SEC24D: variants seen among roughly 807,000 people sequenced by gnomAD.
SEC24D encodes the protein SEC24 homolog D, COPII component.
A neutral mutation model predicts 116.9 loss-of-function variants in SEC24D; 69 were observed. That is an observed-to-expected ratio of 0.59 (90% CI 0.49 to 0.72). The LOEUF (loss-of-function observed/expected upper bound fraction) is 0.72. Among genes scored for constraint, SEC24D ranks in the 30% least tolerant of loss-of-function variants. SEC24D has a pLI of 0.00. For missense variants in SEC24D, 1,131 were observed against 1,264.1 expected (o/e 0.89, Z 1.60); for synonymous variants, 405 against 442.8 (o/e 0.91, Z 1.07).
chr4:118,741,785 A>G lies in SEC24D; in HGVS notation c.1996-748T>C, dbSNP rs188799646. Among the ~76,000 whole-genome samples, 1,079 of 152,340 alleles carry G rather than the reference A, an allele frequency of 7.1e-3. 8 individuals carry two copies. The highest frequency in any genetic ancestry group is 0.011 in the Admixed American group (175 of 15,302). ...GGAGATCATAGACACAATCTTTACA[A>G]TAATCCCTTTAGTTGCTTACATACA... On this transcript the variant is annotated intron_variant, in intron 15 of 22. Coordinates refer to ENST00000280551, the MANE Select transcript of SEC24D (RefSeq NM_014822.4).
chr4:118,791,994 G>C (rs1463930015), intron 8 of SEC24D, among the ~76,000 whole-genome samples: 1 of 151,302 alleles, frequency 6.6e-6, no homozygotes, highest in African/African-American at 2.4e-5. Flanking sequence ...CATTGTCTGG[G>C]AAGTGAGAAG....
chr4:118,809,116 G>A (rs1017302720), intron 6 of SEC24D, among the ~76,000 whole-genome samples: 70 of 152,118 alleles, frequency 4.6e-4, no homozygotes, highest in African/African-American at 1.7e-3. Flanking sequence ...TGGGACTACA[G>A]GCATGCACTA....
Position 118,723,441 on chromosome 4 carries a change from T to A in SEC24D, c.*74A>T, listed in dbSNP as rs1029179283. ...GCAAGAAATCAAAACTAGCCTATTA[T>A]CATCTAGAAAATTAGGCACCAAGAA... is the stretch of plus-strand genomic sequence containing the variant. On this transcript the variant is annotated 3_prime_UTR_variant, in exon 23 of 23. Coordinates refer to ENST00000280551, the MANE Select transcript of SEC24D (RefSeq NM_014822.4). 4 of 1,445,830 alleles carry A rather than the reference T, an allele frequency of 2.8e-6. No homozygotes were observed. The African/African-American group carries it at 5.7e-5, about 21-fold the overall frequency. The allele number at this position is 1,445,830 out of a possible 1,614,324, so 89.6% of individuals were successfully genotyped here. A position where few individuals can be genotyped will look rare whatever the true frequency, so the allele number is the denominator to read the frequency against.
intron 8 of SEC24D, among the ~76,000 whole-genome samples, chr4:118,776,238 T>C (rs1371054530): frequency 5.3e-5 from 8 of 152,166 alleles, no homozygotes; most frequent in Admixed American, 5.2e-4. Context: ...TGAACCCTAA[T>C]GTGCTTTTAT....
intron 10 of SEC24D, among the ~76,000 whole-genome samples, chr4:118,763,804 G>A (rs6853722): frequency 0.29 from 44,096 of 152,038 alleles, 7,154 homozygotes; most frequent in Non-Finnish European, 0.37. Context: ...TAAAGATGAC[G>A]AGGATATCAG....
In SEC24D at chr4:118,797,698, G is replaced by C. The variant is rs373545153; in HGVS notation, c.1026C>G (p.Thr342=). 12 of 1,603,648 alleles carry C rather than the reference G, an allele frequency of 7.5e-6. No individual in the cohort carries two copies. In the African/African-American group the frequency reaches 1.6e-4, roughly 21 times the overall value. ...TCATTCTTACCTCATTTGAAGGAAT[G>C]GTGGCAAAGGGCTTGATGACAGCAG... ...PLAAVIKPFA[T]IPSNESPLYL... The change falls in exon 8 of 23, where the codon ACC becomes ACG. Residue 342 remains threonine (T), a synonymous_variant. Transcript: ENST00000280551.
intron 8 of SEC24D, among the ~76,000 whole-genome samples, chr4:118,795,284 C>G (rs1729128963): frequency 6.6e-6 from 1 of 151,354 alleles, no homozygotes; most frequent in Non-Finnish European, 1.5e-5. Context: ...TCTTGGCTCA[C>G]TGCAACATCT....
At chr4:118,756,343 T>G (rs1727091702) in intron 11 of SEC24D, among the ~76,000 whole-genome samples, 1 of 152,154 alleles carries the variant, frequency 6.6e-6, no homozygotes. Flanking sequence ...CATCTTCAAC[T>G]TGCTCCCAGC....
At chr4:118,762,407 T>C in intron 10 of SEC24D, among the ~76,000 whole-genome samples, 1 of 152,142 alleles carries the variant, frequency 6.6e-6, no homozygotes, top group East Asian at 1.9e-4. Context: ...CCTCAAGTAA[T>C]GATGGTACGC....
intron 6 of SEC24D, among the ~76,000 whole-genome samples, chr4:118,812,177 C>G (rs1320405602): frequency 6.6e-6 from 1 of 152,126 alleles, no homozygotes; most frequent in African/African-American, 2.4e-5. Context: ...AGATGGGTAC[C>G]AAACACAAGA....
intron 3 of SEC24D, among the ~76,000 whole-genome samples, chr4:118,818,309 G>T (rs560738518): frequency 5.9e-4 from 89 of 152,080 alleles, no homozygotes; most frequent in African/African-American, 2.0e-3. Context: ...ATTTCCCCAT[G>T]GCCCATGTCT....
chr4:118,728,711 T>A lies in SEC24D; in HGVS notation c.2869-61A>T, dbSNP rs1578372147. On this transcript the variant is annotated intron_variant, in intron 21 of 22. Coordinates refer to ENST00000280551, the MANE Select transcript of SEC24D (RefSeq NM_014822.4). ...TATAACATTTAGATAGAAGTAGCAA[T>A]ATGAGATTATCATAATGTTAAAAAC... 3 of 995,264 alleles carry A rather than the reference T, an allele frequency of 3.0e-6. No homozygotes were observed. In the East Asian group the frequency reaches 7.3e-5, roughly 24 times the overall value. The allele number at this position is 995,264 out of a possible 1,614,324, so 61.7% of individuals were successfully genotyped here.
intron 8 of SEC24D, among the ~76,000 whole-genome samples, chr4:118,794,379 G>A (rs961840483): frequency 5.9e-5 from 9 of 152,098 alleles, no homozygotes; most frequent in Admixed American, 3.3e-4. Flanking sequence ...GCTTTATCAC[G>A]AGGAAGGGGC....
rs151132905 is a variant in SEC24D, at chr4:118,824,694, A to G, written c.174T>C (p.Pro58=). The G allele has an allele frequency of 3.7e-6, 6 of 1,608,540 alleles. 1 individual carries two copies. Among genetic ancestry groups the G allele is most frequent in the Admixed American group, 1.7e-5 (1 of 58,916 alleles). ...GGGGTCCAGGAGGTGGGGGACCCGG[A>G]GGCAACATTCCCCTAGTGGCGGTGG... ...LGATATRGML[P]PGPPPPGPHQ... Residue 58 remains proline (P), a synonymous_variant, in exon 3 of 23, where the codon CCT becomes CCC. Coordinates refer to ENST00000280551, the MANE Select transcript of SEC24D (RefSeq NM_014822.4).
chr4:118,832,763 A>T (rs1291840208), intron 2 of SEC24D, among the ~76,000 whole-genome samples: 1 of 152,184 alleles, frequency 6.6e-6, no homozygotes, highest in East Asian at 1.9e-4. Flanking sequence ...CATAAAAAGG[A>T]ATAATTTATA....
At chr4:118,813,728 T>C (rs547052163) in intron 6 of SEC24D, among the ~76,000 whole-genome samples, 2 of 152,240 alleles carry the variant, frequency 1.3e-5, no homozygotes, top group Non-Finnish European at 2.9e-5. Flanking sequence ...ACCACAGCAC[T>C]TGCCAACATA....
At chr4:118,821,714 T>C (rs569893330) in intron 3 of SEC24D, among the ~76,000 whole-genome samples, 1 of 151,574 alleles carries the variant, frequency 6.6e-6, no homozygotes, top group Admixed American at 6.6e-5. Context: ...AGAAGAGTCA[T>C]ATGCCATCTA....
In SEC24D at chr4:118,833,654, G is replaced by T; in HGVS notation, c.43C>A (p.Pro15Thr). ...GYVATPPYSQ[P>T]QPGIGLSPPH... ...GGAGAAAGGCCTATTCCAGGCTGAG[G>T]CTGAGAATACGGAGGTGTAGCCACG... The change falls in exon 2 of 23, where the codon CCT becomes ACT. Residue 15 changes from proline to threonine, a missense_variant. Transcript: ENST00000280551. The T allele has an allele frequency of 6.2e-7, 1 of 1,614,046 alleles. No individual in the cohort carries two copies. The highest frequency in any genetic ancestry group is 1.3e-5 in the African/African-American group (1 of 75,058).
In SEC24D at chr4:118,808,644, T is replaced by C. The variant is rs531073102; in HGVS notation, c.802-2690A>G. ...AGGCTTAGAGATAAAGAAGCTTCAA[T>C]AGCAATTTTGACTGTGACTTGGTAC... On this transcript the variant is annotated intron_variant, in intron 6 of 22. Transcript: ENST00000280551. Among the ~76,000 whole-genome samples the C allele has an allele frequency of 3.3e-5, 5 of 152,332 alleles. No homozygotes were observed. The East Asian group carries it at 9.6e-4, about 29-fold the overall frequency.
Sources: gnomAD v4.1 joint callset for allele counts (sites outside exome capture counted in the v4.1 genomes callset) on GRCh38, gnomAD v4.1.1 for gene constraint, MANE v1.5 for transcripts, NCBI Gene and HGNC (gene_info 2026-07-23, HGNC 2026-07-21) for gene names.